Variants in ZNF33B observed in about 807,000 individuals in gnomAD.
ZNF33B encodes zinc finger protein 33B.
Under a neutral mutation model 45.8 loss-of-function variants are expected in ZNF33B, and 29 were observed. The observed-to-expected ratio is 0.63, with a 90% confidence interval of 0.47 to 0.86. ZNF33B has a LOEUF of 0.86. Ranked by LOEUF, ZNF33B falls within the 40% of genes least tolerant of loss-of-function variation. The pLI, the probability that ZNF33B is intolerant of heterozygous loss-of-function variation, is 0.00. For synonymous variants in ZNF33B, 305 were observed against 307.8 expected, an observed-to-expected ratio of 0.99 and a Z score of 0.10; for missense variants, 831 against 909.9, an observed-to-expected ratio of 0.91 and a Z score of 1.12.
rs1362960639 is a variant in ZNF33B, at chr10:42,611,035, AAACTT to A, written c.251-16341_251-16337del. ...TTAATTTTCAACAATGATGCCAAGA[AAACTT>A]AATGCTGAAAAATCCCCTTTTTGGC... On this transcript the variant is annotated intron_variant, in intron 4 of 4. Transcript: ENST00000359467. Among the ~76,000 whole-genome samples, 4 of 152,168 alleles carry A rather than the reference AAACTT, an allele frequency of 2.6e-5. No homozygotes were observed. In the East Asian group the frequency reaches 7.7e-4, roughly 29 times the overall value.
At chr10:42,618,501 G>A (rs1038755969) in intron 4 of ZNF33B, among the ~76,000 whole-genome samples, 2 of 152,138 alleles carry the variant, frequency 1.3e-5, no homozygotes, top group African/African-American at 4.8e-5. Context: ...AAATGGAACT[G>A]ACAAACTATT....
intron 4 of ZNF33B, among the ~76,000 whole-genome samples, chr10:42,601,262 TTGG>T (rs1256722297): frequency 2.0e-5 from 3 of 152,150 alleles, no homozygotes; most frequent in Non-Finnish European, 4.4e-5. Flanking sequence ...TTCATGTGGC[TTGG>T]TGTAGTTTTC....
chr10:42,623,281 G>A (rs1589061462), intron 4 of ZNF33B, among the ~76,000 whole-genome samples: 1 of 152,252 alleles, frequency 6.6e-6, no homozygotes, highest in South Asian at 2.1e-4. Flanking sequence ...AAATATCTGT[G>A]TATATATACA....
chr10:42,613,936 T>C (rs574424094), intron 4 of ZNF33B, among the ~76,000 whole-genome samples: 76 of 152,308 alleles, frequency 5.0e-4, no homozygotes, highest in East Asian at 1.5e-3. Context: ...AAGATAAGCC[T>C]GGACCATCTT....
chr10:42,577,637 AG>A (rs75149962), intron 1 of ZNF33B, among the ~76,000 whole-genome samples: 9,682 of 152,162 alleles, frequency 0.064, 805 homozygotes, highest in East Asian at 0.19. Flanking sequence ...TCTATCAATC[AG>A]GTGAATTTGT....
intron 4 of ZNF33B, among the ~76,000 whole-genome samples, chr10:42,600,290 G>A (rs1837565605): frequency 6.6e-6 from 1 of 152,074 alleles, no homozygotes; most frequent in Non-Finnish European, 1.5e-5. Context: ...TTAAAAGGAT[G>A]CTAAAGCCTC....
chr10:42,625,995 A>C (rs534793394), intron 4 of ZNF33B, among the ~76,000 whole-genome samples: 1 of 152,380 alleles, frequency 6.6e-6, no homozygotes, highest in East Asian at 1.9e-4. Context: ...TCATCTTACC[A>C]GCAAATATAT....
chr10:42,592,613 T>A lies in ZNF33B; in HGVS notation c.2337A>T (p.Ter779CysextTer4). ...TGGCTGGAAATTTCTAATATCCAAT[T>A]CATTCATAAGGTTTTTCTCCTATGT... Reference protein sequence around the residue: ...RTHIGEKPYE* With the variant: ...RTHIGEKPYEC Residue 779 changes from the stop codon to cysteine, a stop_lost, in exon 5 of 5, where the codon TGA (stop) becomes TGT (cysteine). Transcript: ENST00000359467. 6.2e-7 allele frequency: 1 copy of A among 1,610,126 alleles called. No homozygotes were observed. Among genetic ancestry groups the A allele is most frequent in the South Asian group, 1.1e-5 (1 of 90,516 alleles).
chr10:42,593,448 G>A lies in ZNF33B; in HGVS notation c.1502C>T (p.Ala501Val). The change falls in exon 5 of 5, where the codon GCA becomes GTA. Residue 501 changes from alanine to valine, a missense_variant. Coordinates refer to ENST00000359467, the MANE Select transcript of ZNF33B (RefSeq NM_006955.3). Reference sequence around the variant, plus strand: ...CTTGTGGTAGAAAGTTTTCCCACATGCATTACATTCATAAGGTTTATCTCC... The same window carrying A: ...CTTGTGGTAGAAAGTTTTCCCACATACATTACATTCATAAGGTTTATCTCC... ...HIGDKPYECN[A>V]CGKTFYHKSV... The A allele has an allele frequency of 6.2e-7, 1 of 1,613,964 alleles. No homozygotes were observed. The highest frequency in any genetic ancestry group is 1.3e-5 in the African/African-American group (1 of 74,986).
intron 4 of ZNF33B, among the ~76,000 whole-genome samples, chr10:42,625,007 G>C (rs1297255103): frequency 6.7e-6 from 1 of 148,398 alleles, no homozygotes; most frequent in African/African-American, 2.5e-5. Context: ...CAAAACTTCT[G>C]AGAAAAAATT....
intron 4 of ZNF33B, among the ~76,000 whole-genome samples, chr10:42,604,207 G>A (rs1564508053): frequency 6.6e-6 from 1 of 152,170 alleles, no homozygotes; most frequent in Non-Finnish European, 1.5e-5. Flanking sequence ...TACTTTGGGA[G>A]GTTGAGGCAG....
chr10:42,593,116 T>G lies in ZNF33B; in HGVS notation c.1834A>C (p.Asn612His), dbSNP rs565643232. Residue 612 changes from asparagine to histidine, a missense_variant, in exon 5 of 5, where the codon AAT (asparagine) becomes CAT (histidine). Transcript: ENST00000359467. The part of the protein sequence containing the change: ...THTGEKPYEC[N>H]ECGKTFCQKS... ...TGGCAGAAGGTTTTTCCACATTCAT[T>G]ACATTCATAGGGTTTCTCCCCTGTA... 6.2e-7 allele frequency: 1 copy of G among 1,614,036 alleles called. No individual in the cohort carries two copies. Among genetic ancestry groups the G allele is most frequent in the Non-Finnish European group, 8.5e-7 (1 of 1,179,984 alleles).
intron 4 of ZNF33B, among the ~76,000 whole-genome samples, chr10:42,607,987 T>C (rs1215643747): frequency 6.6e-6 from 1 of 152,066 alleles, no homozygotes; most frequent in Non-Finnish European, 1.5e-5. Context: ...TACAAACAGG[T>C]TGAAAATTTG....
chr10:42,629,540 A>T (rs1161182968), intron 4 of ZNF33B, among the ~76,000 whole-genome samples: 1 of 152,218 alleles, frequency 6.6e-6, no homozygotes, highest in Non-Finnish European at 1.5e-5. Context: ...GTGTGCCTGT[A>T]TCAAAACATC....
rs1467549594 is a variant in ZNF33B at position 42,591,916 on chromosome 10, CCA to C, written c.*695_*696del. 1.4e-5 allele frequency: 2 copies of C among 147,156 alleles called. No individual in the cohort carries two copies. The highest frequency in any genetic ancestry group is 1.3e-4 in the Admixed American group (2 of 15,082). 9.1% of individuals were successfully genotyped at this position (147,156 alleles called of 1,614,324 possible). Reference sequence around the variant, plus strand: ...TGATGGTTACTCAAATGTAAAAGTACCAGTTTGTTATAACCACACACACACAC... The same window carrying C: ...TGATGGTTACTCAAATGTAAAAGTACGTTTGTTATAACCACACACACACAC... On this transcript the variant is annotated 3_prime_UTR_variant, in exon 5 of 5. Coordinates refer to ENST00000359467, the MANE Select transcript of ZNF33B (RefSeq NM_006955.3).
intron 4 of ZNF33B, among the ~76,000 whole-genome samples, chr10:42,615,972 C>G (rs1181719927): frequency 6.6e-6 from 1 of 151,550 alleles, no homozygotes; most frequent in Non-Finnish European, 1.5e-5. Context: ...CCTGTAATCT[C>G]AGCACTTTGG....
intron 4 of ZNF33B, among the ~76,000 whole-genome samples, chr10:42,629,135 A>G (rs1838937916): frequency 6.6e-6 from 1 of 152,182 alleles, no homozygotes; most frequent in Non-Finnish European, 1.5e-5. Context: ...CATAAAAAAG[A>G]ATGAGAGATC....
exon 2 of ZNF33B, chr10:42,574,629 C>T (rs552143561): frequency 2.6e-5 from 4 of 152,228 alleles, no homozygotes; most frequent in East Asian, 3.9e-4. Context: ...GTTTGTGTCT[C>T]GGTGAGTTAT....
At chr10:42,638,570 GA>G, upstream of ZNF33B, 1 of 473,380 alleles carries the variant, frequency 2.1e-6, no homozygotes, top group Non-Finnish European at 4.2e-6. Context: ...CAAACAAAAG[GA>G]AAGGCGGAAA....
Sources: allele counts gnomAD v4.1 joint callset (sites outside exome capture counted in the v4.1 genomes callset), GRCh38; gene constraint gnomAD v4.1.1; transcripts MANE v1.5; gene names NCBI Gene and HGNC (gene_info 2026-07-23, HGNC 2026-07-21).